The following MCTP1 variants were observed in gnomAD, a reference collection of about 807,000 sequenced individuals.
MCTP1 encodes multiple C2 and transmembrane domain containing 1.
Under a neutral mutation model 120.6 loss-of-function variants are expected in MCTP1, and 69 were observed. The ratio of observed to expected loss-of-function variants is 0.57; its 90% confidence interval spans 0.47 to 0.70. The LOEUF is 0.70. Ranked by LOEUF, MCTP1 falls within the 30% of genes least tolerant of loss-of-function variation. The pLI is 0.00. For synonymous variants in MCTP1, 529 were observed against 493.1 expected, an observed-to-expected ratio of 1.07 and a Z score of -0.96; for missense variants, 1,203 against 1,248.8, an observed-to-expected ratio of 0.96 and a Z score of 0.55.
intron 1 of MCTP1, among the ~76,000 whole-genome samples, chr5:95,157,523 T>A (rs1247923304): frequency 6.6e-6 from 1 of 152,206 alleles, no homozygotes; most frequent in African/African-American, 2.4e-5. Flanking sequence ...CAGAAAACTT[T>A]AGCAACTTGT....
chr5:95,161,006 A>T (rs929666968), intron 1 of MCTP1, among the ~76,000 whole-genome samples: 36 of 152,302 alleles, frequency 2.4e-4, no homozygotes, highest in African/African-American at 8.4e-4. Context: ...TGATAAACTA[A>T]CACAGCCATT....
intron 1 of MCTP1, among the ~76,000 whole-genome samples, chr5:95,240,508 C>A (rs1467867474): frequency 6.6e-6 from 1 of 152,192 alleles, no homozygotes; most frequent in Admixed American, 6.5e-5. Context: ...TTCAATCCAT[C>A]CCTAAGCCCT....
At chr5:95,281,136 T>G (rs1430503653) in intron 1 of MCTP1, among the ~76,000 whole-genome samples, 1 of 152,250 alleles carries the variant, frequency 6.6e-6, no homozygotes, top group African/African-American at 2.4e-5. Context: ...TTGTGTTTCT[T>G]TCTTGAGTAC....
chr5:94,787,103 A>G lies in MCTP1; in HGVS notation c.2557-7940T>C, dbSNP rs186103339. On this transcript the variant is annotated intron_variant, in intron 18 of 22. Transcript: ENST00000515393. ...AAGAAGAATTTTGCTTTTGGACTCA[A>G]TGATGATTTCAGTGAAACGCCCTGT... Among the ~76,000 whole-genome samples the G allele has an allele frequency of 2.0e-4, 29 of 147,126 alleles. 1 individual carries two copies. Among genetic ancestry groups the G allele is most frequent in the East Asian group, 5.8e-4 (3 of 5,188 alleles).
intron 1 of MCTP1, among the ~76,000 whole-genome samples, chr5:95,124,258 T>C (rs1456281530): frequency 6.6e-6 from 1 of 152,244 alleles, no homozygotes; most frequent in African/African-American, 2.4e-5. Context: ...TGGCATACTC[T>C]ACTTTGGAAC....
chr5:94,997,027 G>T (rs1832752787), intron 2 of MCTP1, among the ~76,000 whole-genome samples: 1 of 152,134 alleles, frequency 6.6e-6, no homozygotes, highest in East Asian at 1.9e-4. Flanking sequence ...ACTCTCAAGA[G>T]AAAATGAGCT....
intron 1 of MCTP1, among the ~76,000 whole-genome samples, chr5:95,277,351 A>G (rs148264872): frequency 6.6e-6 from 1 of 152,194 alleles, no homozygotes; most frequent in Admixed American, 6.5e-5. Context: ...ACCAGAATTA[A>G]AGTCTAGGCT....
At chr5:95,210,922 C>T (rs972130075) in intron 1 of MCTP1, among the ~76,000 whole-genome samples, 10 of 151,930 alleles carry the variant, frequency 6.6e-5, no homozygotes, top group African/African-American at 2.2e-4. Context: ...TTTATTTCTC[C>T]TTCACTTATG....
At chr5:94,951,978 C>G (rs1227502250) in intron 3 of MCTP1, among the ~76,000 whole-genome samples, 1 of 151,936 alleles carries the variant, frequency 6.6e-6, no homozygotes, top group Non-Finnish European at 1.5e-5. Flanking sequence ...TCAAGACCAG[C>G]CTGGCCAGCA....
chr5:95,097,415 A>G (rs1756355286), intron 1 of MCTP1, among the ~76,000 whole-genome samples: 1 of 152,246 alleles, frequency 6.6e-6, no homozygotes, highest in Admixed American at 6.5e-5. Context: ...ATTCAGGAAC[A>G]TAAACTAACA....
chr5:94,897,893 C>T (rs1349630753), intron 10 of MCTP1, among the ~76,000 whole-genome samples: 1 of 152,092 alleles, frequency 6.6e-6, no homozygotes, highest in Non-Finnish European at 1.5e-5. Flanking sequence ...TTATTTTTAA[C>T]AGAAAGAATT....
chr5:95,129,088 G>T (rs1198644582), intron 1 of MCTP1, among the ~76,000 whole-genome samples: 1 of 152,190 alleles, frequency 6.6e-6, no homozygotes, highest in Non-Finnish European at 1.5e-5. Flanking sequence ...TTAGATCCAT[G>T]CTTATGAAAC....
intron 1 of MCTP1, among the ~76,000 whole-genome samples, chr5:95,096,777 T>G (rs1756301975): frequency 6.6e-6 from 1 of 152,214 alleles, no homozygotes; most frequent in African/African-American, 2.4e-5. Context: ...GGCAGGATTT[T>G]AACTGAGAAG....
intron 19 of MCTP1, among the ~76,000 whole-genome samples, chr5:94,748,776 C>G (rs1215944268): frequency 1.3e-5 from 2 of 152,216 alleles, no homozygotes; most frequent in Non-Finnish European, 2.9e-5. Context: ...CACTGTAGCA[C>G]TACATTTCCA....
At chr5:95,057,893 G>T (rs1346629540) in intron 1 of MCTP1, among the ~76,000 whole-genome samples, 1 of 152,158 alleles carries the variant, frequency 6.6e-6, no homozygotes, top group African/African-American at 2.4e-5. Context: ...AGCATCCTCT[G>T]AACAACATTT....
chr5:94,871,028 C>T (rs776187188), intron 14 of MCTP1, 55 bp from the exon 15 acceptor site: 20 of 1,369,598 alleles, frequency 1.5e-5, no homozygotes, highest in Non-Finnish European at 2.1e-5. Context: ...TGAATACACT[C>T]CCTCAGTGAC....
rs544018341 is a variant in MCTP1 at position 94,893,198 on chromosome 5, AAG to A, written c.1839+1449_1839+1450del. Among the ~76,000 whole-genome samples, 4 of 152,304 alleles carry A rather than the reference AAG, an allele frequency of 2.6e-5. No homozygotes were observed. In the South Asian group the frequency reaches 8.3e-4, roughly 32 times the overall value. On this transcript the variant is annotated intron_variant, in intron 11 of 22. Coordinates refer to ENST00000515393, the MANE Select transcript of MCTP1 (RefSeq NM_024717.7). ...AATTGCCATTCAGCCATCCAGCAAA[AAG>A]AAAAAAAATTAATAATAGGTGGATT...
intron 1 of MCTP1, among the ~76,000 whole-genome samples, chr5:95,258,412 C>A (rs761613108): frequency 3.1e-4 from 47 of 152,172 alleles, no homozygotes; most frequent in Non-Finnish European, 2.9e-5. Context: ...CTCCTCAAAC[C>A]TATCAAGGTC....
At chr5:95,204,278 G>A (rs1471110939) in intron 1 of MCTP1, among the ~76,000 whole-genome samples, 1 of 151,986 alleles carries the variant, frequency 6.6e-6, no homozygotes, top group Non-Finnish European at 1.5e-5. Flanking sequence ...AGAATAAGAG[G>A]GAATCCACCA....
Sources: gnomAD v4.1 joint callset for allele counts (sites outside exome capture counted in the v4.1 genomes callset) on GRCh38, gnomAD v4.1.1 for gene constraint, MANE v1.5 for transcripts, NCBI Gene and HGNC (gene_info 2026-07-23, HGNC 2026-07-21) for gene names.